The following CCSER2 variants were observed in gnomAD, a reference collection of about 807,000 sequenced individuals.
The protein encoded by CCSER2 is coiled-coil serine rich protein 2, also known as serine-rich coiled-coil domain-containing protein 2.
A neutral mutation model predicts 92.3 loss-of-function variants in CCSER2; 46 were observed. The ratio of observed to expected loss-of-function variants is 0.50; its 90% CI spans 0.39 to 0.64. The LOEUF (loss-of-function observed/expected upper bound fraction) is 0.64, where lower values mean the gene tolerates loss of function less well. Ranked by LOEUF, CCSER2 falls within the 30% of genes least tolerant of loss-of-function variation. The pLI, the probability that CCSER2 is intolerant of heterozygous loss-of-function variation, is 0.00. For missense variants in CCSER2, 1,244 were observed against 1,238.9 expected (o/e 1.00, Z -0.06); for synonymous variants, 433 against 431.4 (o/e 1.00, Z -0.04).
At chr10:84,385,477 G>A (rs940755961) in intron 3 of CCSER2, among the ~76,000 whole-genome samples, 10 of 152,080 alleles carry the variant, frequency 6.6e-5, no homozygotes, top group Non-Finnish European at 1.3e-4. Context: ...ACTGAACTTC[G>A]ACAGAACCAA....
chr10:84,403,674 A>G (rs1161470550), intron 3 of CCSER2, among the ~76,000 whole-genome samples: 1 of 152,218 alleles, frequency 6.6e-6, no homozygotes, highest in East Asian at 1.9e-4. Flanking sequence ...AAGGACATGG[A>G]AAGACATTCA....
intron 3 of CCSER2, chr10:84,390,960 T>C: frequency 2.6e-6 from 2 of 764,136 alleles, no homozygotes; most frequent in South Asian, 2.7e-5. Flanking sequence ...ATATACTTGA[T>C]ACCCTGGTCT....
At chr10:84,397,978 C>T (rs914551747) in intron 3 of CCSER2, among the ~76,000 whole-genome samples, 5 of 152,282 alleles carry the variant, frequency 3.3e-5, no homozygotes, top group Middle Eastern at 3.4e-3. Context: ...AGGGTGTATT[C>T]GTTTTCTCTG....
intron 1 of CCSER2, among the ~76,000 whole-genome samples, chr10:84,357,490 C>T (rs1845243825): frequency 6.7e-6 from 1 of 150,192 alleles, no homozygotes; most frequent in South Asian, 2.1e-4. Context: ...CTCTCTGTCA[C>T]CCTGGCTGGA....
intron 6 of CCSER2, among the ~76,000 whole-genome samples, chr10:84,439,438 T>C (rs1182778179): frequency 6.6e-6 from 1 of 152,216 alleles, no homozygotes; most frequent in Non-Finnish European, 1.5e-5. Context: ...CAACTTTAGC[T>C]TAAAACTACA....
At chr10:84,491,491 G>T (rs1489586210) in intron 9 of CCSER2, among the ~76,000 whole-genome samples, 1 of 152,172 alleles carries the variant, frequency 6.6e-6, no homozygotes, top group Non-Finnish European at 1.5e-5. Flanking sequence ...ATCTCAGACT[G>T]CTGTGCTAGC....
At chr10:84,468,459 A>T (rs1459291049) in intron 7 of CCSER2, among the ~76,000 whole-genome samples, 1 of 152,244 alleles carries the variant, frequency 6.6e-6, no homozygotes, top group African/African-American at 2.4e-5. Context: ...GTACAATGTT[A>T]TCTGTCAATT....
intron 9 of CCSER2, among the ~76,000 whole-genome samples, chr10:84,503,987 A>T (rs1415037395): frequency 6.6e-6 from 1 of 152,222 alleles, no homozygotes; most frequent in Non-Finnish European, 1.5e-5. Flanking sequence ...TTTACATGAC[A>T]GCCCAGTATA....
At chr10:84,373,494 C>A in intron 2 of CCSER2, 125 bp from the exon 3 acceptor site, 1 of 653,680 alleles carries the variant, frequency 1.5e-6, no homozygotes, top group Non-Finnish European at 2.6e-6. Context: ...GAAAATGCTA[C>A]AGTTATGAGT....
chr10:84,393,884 A>G (rs1841671227), intron 3 of CCSER2: 1 of 152,218 alleles, frequency 6.6e-6, no homozygotes, highest in African/African-American at 2.4e-5. Flanking sequence ...GCTTATAGAA[A>G]GTTGAGATGG....
chr10:84,432,830 A>G (rs1045409657), intron 5 of CCSER2, among the ~76,000 whole-genome samples: 2 of 152,102 alleles, frequency 1.3e-5, no homozygotes, highest in Non-Finnish European at 2.9e-5. Flanking sequence ...CCCTTTTCAT[A>G]TTATAGGAAT....
At chr10:84,471,844 C>G (rs1846821847) in intron 8 of CCSER2, among the ~76,000 whole-genome samples, 1 of 151,686 alleles carries the variant, frequency 6.6e-6, no homozygotes, top group Non-Finnish European at 1.5e-5. Flanking sequence ...TTTTAAGTTG[C>G]TATTAATTTT....
At chr10:84,416,601 A>G (rs1842897051) in intron 3 of CCSER2, among the ~76,000 whole-genome samples, 1 of 152,064 alleles carries the variant, frequency 6.6e-6, no homozygotes, top group Non-Finnish European at 1.5e-5. Flanking sequence ...TTTTATTCAT[A>G]TTGTCTGTAA....
intron 1 of CCSER2, among the ~76,000 whole-genome samples, chr10:84,351,087 A>G (rs1220505732): frequency 2.6e-5 from 4 of 151,740 alleles, no homozygotes; most frequent in Admixed American, 6.6e-5. Context: ...TAAAACAATG[A>G]TATTTTAAAA....
At chr10:84,413,975 T>C (rs1239945408) in intron 3 of CCSER2, among the ~76,000 whole-genome samples, 1 of 152,200 alleles carries the variant, frequency 6.6e-6, no homozygotes, top group Non-Finnish European at 1.5e-5. Flanking sequence ...CAACCTCTGC[T>C]TTTTTTATGT....
At chr10:84,425,929 C>T (rs776971571) in intron 5 of CCSER2, 36 bp downstream of exon 5, 140 of 1,368,040 alleles carry the variant, frequency 1.0e-4, no homozygotes, top group Non-Finnish European at 1.3e-4. Flanking sequence ...CATTTGCTGT[C>T]CTCTGATTTT....
chr10:84,429,278 G>T (rs1001867531), intron 5 of CCSER2, among the ~76,000 whole-genome samples: 6 of 152,014 alleles, frequency 3.9e-5, no homozygotes, highest in African/African-American at 1.2e-4. Context: ...TTCTGTAGAT[G>T]TCTTTTTGGT....
chr10:84,358,446 A>G (rs1845307725), intron 1 of CCSER2, among the ~76,000 whole-genome samples: 1 of 151,948 alleles, frequency 6.6e-6, no homozygotes, highest in African/African-American at 2.4e-5. Context: ...GATGGGTGGA[A>G]TCACCTATAC....
chr10:84,401,411 T>G (rs574585524), intron 3 of CCSER2, among the ~76,000 whole-genome samples: 1 of 152,234 alleles, frequency 6.6e-6, no homozygotes, highest in Non-Finnish European at 1.5e-5. Context: ...GAGAAAACTA[T>G]GAGAAATTAA....
Sources: gnomAD v4.1 joint callset for allele counts (sites outside exome capture counted in the v4.1 genomes callset) on GRCh38, gnomAD v4.1.1 for gene constraint, MANE v1.5 for transcripts, NCBI Gene and HGNC (gene_info 2026-07-23, HGNC 2026-07-21) for gene names.